The following DLG2 variants were observed in gnomAD, a reference collection of about 807,000 sequenced individuals.
DLG2 encodes the protein discs large MAGUK scaffold protein 2.
In DLG2, 45 loss-of-function variants were observed where a neutral mutation model predicts 132.5. The observed-to-expected ratio is 0.34, with a 90% confidence interval of 0.27 to 0.44. The LOEUF (loss-of-function observed/expected upper bound fraction) is 0.44, where lower values mean the gene tolerates loss of function less well. Ranked by LOEUF, DLG2 falls within the 20% of genes least tolerant of loss-of-function variation. The probability of loss-of-function intolerance (pLI) is 1.00; values close to 1 mark genes in which losing one functional copy is unlikely to be tolerated. For missense variants in DLG2, 1,045 were observed against 1,196.9 expected, an observed-to-expected ratio of 0.87 and a Z score of 1.87; for synonymous variants, 424 against 419.6, an observed-to-expected ratio of 1.01 and a Z score of -0.13.
intron 3 of DLG2, among the ~76,000 whole-genome samples, chr11:85,461,379 T>A (rs1342640694): frequency 6.6e-6 from 1 of 152,180 alleles, no homozygotes; most frequent in Non-Finnish European, 1.5e-5. Flanking sequence ...GTATTGACAA[T>A]TGTGACAAAA....
At chr11:83,516,048 G>T (rs1296034610) in intron 21 of DLG2, among the ~76,000 whole-genome samples, 1 of 152,138 alleles carries the variant, frequency 6.6e-6, no homozygotes, top group African/African-American at 2.4e-5. Flanking sequence ...GGTCTGCTTG[G>T]TGCAGAGCTG....
chr11:84,107,009 T>TGAGA (rs1342359588), intron 9 of DLG2, among the ~76,000 whole-genome samples: 4 of 29,174 alleles, frequency 1.4e-4, no homozygotes, highest in Non-Finnish European at 3.7e-4. Context: ...TGTGTGTGTG[T>TGAGA]GTGTGAGAGA....
chr11:84,611,140 G>A (rs1043132086), intron 6 of DLG2, among the ~76,000 whole-genome samples: 1 of 151,212 alleles, frequency 6.6e-6, no homozygotes, highest in African/African-American at 2.4e-5. Context: ...TTACTTACCG[G>A]CTTCTCAAAT....
At chr11:84,548,523 C>T (rs944808519) in intron 6 of DLG2, among the ~76,000 whole-genome samples, 1 of 149,190 alleles carries the variant, frequency 6.7e-6, no homozygotes, top group African/African-American at 2.5e-5. Context: ...TGAGTAAGAA[C>T]ATGCGGTGTT....
chr11:85,056,740 C>T (rs2063502629), intron 6 of DLG2, among the ~76,000 whole-genome samples: 1 of 151,892 alleles, frequency 6.6e-6, no homozygotes, highest in African/African-American at 2.4e-5. Context: ...GAGACTGACT[C>T]TTAAAAGCAG....
chr11:84,153,726 A>G (rs1367720861), intron 9 of DLG2, among the ~76,000 whole-genome samples: 2 of 152,128 alleles, frequency 1.3e-5, no homozygotes, highest in East Asian at 3.9e-4. Context: ...TGGCTCTGTC[A>G]TCTTTCAACT....
chr11:84,525,128 C>T (rs2099316369), intron 7 of DLG2, among the ~76,000 whole-genome samples: 2 of 152,208 alleles, frequency 1.3e-5, no homozygotes, highest in South Asian at 4.2e-4. Flanking sequence ...TGTTTCAGTC[C>T]TCTGTGTTCT....
intron 16 of DLG2, among the ~76,000 whole-genome samples, chr11:83,851,114 T>A (rs2059676380): frequency 6.6e-6 from 1 of 150,852 alleles, no homozygotes; most frequent in African/African-American, 2.4e-5. Flanking sequence ...GAGGTGGAGC[T>A]TGCAGTGAGC....
chr11:85,232,249 C>T (rs901522298), intron 4 of DLG2, among the ~76,000 whole-genome samples: 3 of 151,774 alleles, frequency 2.0e-5, no homozygotes, highest in African/African-American at 7.3e-5. Context: ...TTTTAGTTGC[C>T]TATGGCATAA....
At chr11:84,946,049 G>A (rs2050155847) in intron 6 of DLG2, among the ~76,000 whole-genome samples, 1 of 152,090 alleles carries the variant, frequency 6.6e-6, no homozygotes, top group African/African-American at 2.4e-5. Context: ...CTCAAGGCCG[G>A]AGGGCTCTTC....
chr11:84,770,235 C>A (rs1167195078), intron 6 of DLG2, among the ~76,000 whole-genome samples: 1 of 152,176 alleles, frequency 6.6e-6, no homozygotes, highest in Non-Finnish European at 1.5e-5. Context: ...GAGGCCTCCT[C>A]AGAAGCTGAG....
intron 18 of DLG2, among the ~76,000 whole-genome samples, chr11:83,677,341 A>T (rs990399511): frequency 6.6e-6 from 1 of 152,192 alleles, no homozygotes; most frequent in Non-Finnish European, 1.5e-5. Context: ...AGAGTCATCA[A>T]TTTAACTGCT....
intron 9 of DLG2, among the ~76,000 whole-genome samples, chr11:84,158,620 A>T (rs35391389): frequency 0.074 from 11,321 of 152,236 alleles, 611 homozygotes; most frequent in African/African-American, 0.15. Context: ...ACCTCATAGG[A>T]GTGTTACTAA....
At chr11:84,000,901 A>AAAACACAC (rs2094312057) in intron 11 of DLG2, among the ~76,000 whole-genome samples, 1 of 152,176 alleles carries the variant, frequency 6.6e-6, no homozygotes. Flanking sequence ...TGCCATTATG[A>AAAACACAC]AAACACACAA....
intron 12 of DLG2, among the ~76,000 whole-genome samples, chr11:83,966,292 A>AT (rs1448063108): frequency 2.0e-5 from 3 of 151,906 alleles, no homozygotes; most frequent in Non-Finnish European, 2.9e-5. Context: ...CCAAACCTTG[A>AT]TTTTTTCACT....
In DLG2 at chr11:83,585,625, TG is replaced by T. The variant is rs2097071175; in HGVS notation, c.1941-43768del. On this transcript the variant is annotated intron_variant, in intron 19 of 27. Transcript: ENST00000376104. The stretch of plus-strand genomic sequence containing the variant: ...TTGGACTGAAACAAGAATTAACACA[TG>T]AACAACATTTGGATATTTTTCTGAT... 3.3e-5 allele frequency among the ~76,000 whole-genome samples: 5 copies of T among 152,348 alleles called. No individual in the cohort carries two copies. In the South Asian group the frequency reaches 1.0e-3, roughly 32 times the overall value.
intron 7 of DLG2, among the ~76,000 whole-genome samples, chr11:84,289,760 T>C (rs1337976423): frequency 1.3e-5 from 2 of 152,166 alleles, no homozygotes; most frequent in Non-Finnish European, 2.9e-5. Context: ...GAAATAGTTC[T>C]GAAAGACTAA....
At chr11:84,745,343 A>G (rs1376615274) in intron 6 of DLG2, among the ~76,000 whole-genome samples, 1 of 152,156 alleles carries the variant, frequency 6.6e-6, no homozygotes, top group East Asian at 1.9e-4. Flanking sequence ...ATCAGTTCTC[A>G]GGAAATCTTG....
chr11:83,965,766 A>G (rs540468590), intron 12 of DLG2, among the ~76,000 whole-genome samples: 11 of 152,080 alleles, frequency 7.2e-5, no homozygotes, highest in African/African-American at 2.4e-4. Flanking sequence ...TATAGTTTCT[A>G]TGATAGAAAA....
Sources: gnomAD v4.1 joint callset for allele counts (sites outside exome capture counted in the v4.1 genomes callset) on GRCh38, gnomAD v4.1.1 for gene constraint, MANE v1.5 for transcripts, NCBI Gene and HGNC (gene_info 2026-07-23, HGNC 2026-07-21) for gene names.